Variants in ZMAT4 observed in about 807,000 individuals in gnomAD.
ZMAT4 encodes zinc finger matrin-type protein 4.
In ZMAT4, 17 loss-of-function variants were observed where a neutral mutation model predicts 28.7. The observed-to-expected ratio is 0.59, with a 90% CI of 0.41 to 0.89. The LOEUF (loss-of-function observed/expected upper bound fraction) is 0.89, where lower values mean the gene tolerates loss of function less well. Ranked by LOEUF, ZMAT4 falls within the 40% of genes least tolerant of loss-of-function variation. The pLI is 0.00. For missense variants in ZMAT4, 240 were observed against 283.8 expected (o/e 0.85, Z 1.11); for synonymous variants, 117 against 109.2 (o/e 1.07, Z -0.44).
At chr8:40,767,962 G>T (rs1813232541) in intron 2 of ZMAT4, among the ~76,000 whole-genome samples, 1 of 152,242 alleles carries the variant, frequency 6.6e-6, no homozygotes, top group African/African-American at 2.4e-5. Context: ...GAAGGTGAAG[G>T]CATTGAAATC....
intron 3 of ZMAT4, among the ~76,000 whole-genome samples, chr8:40,764,118 C>G (rs1416908326): frequency 6.6e-6 from 1 of 152,164 alleles, no homozygotes; most frequent in East Asian, 1.9e-4. Flanking sequence ...AACGGAGACT[C>G]TCAATGGACT....
intron 4 of ZMAT4, among the ~76,000 whole-genome samples, chr8:40,693,578 C>T (rs753222919): frequency 2.0e-5 from 3 of 152,184 alleles, no homozygotes; most frequent in Admixed American, 1.3e-4. Flanking sequence ...TCAAGATCAT[C>T]CAGTCTCTAG....
At chr8:40,881,598 G>GAAAGAA (rs1563264173) in intron 1 of ZMAT4, among the ~76,000 whole-genome samples, 2 of 88,940 alleles carry the variant, frequency 2.2e-5, no homozygotes, top group African/African-American at 8.9e-5. Flanking sequence ...AAGAAAGAAA[G>GAAAGAA]AAAAGAAAAG....
In ZMAT4 at chr8:40,697,234, C is replaced by G; in HGVS notation, c.349+11G>C. On this transcript the variant is annotated intron_variant, in intron 4 of 6. Coordinates refer to ENST00000297737, the MANE Select transcript of ZMAT4 (RefSeq NM_024645.3). Reference sequence around the variant, plus strand: ...TCAGGGTCTCCCCACGATCACTGTTCCTGCACGTACCTGTGGTCTTTAATG... The same window carrying G: ...TCAGGGTCTCCCCACGATCACTGTTGCTGCACGTACCTGTGGTCTTTAATG... The G allele has an allele frequency of 1.3e-6, 2 of 1,595,734 alleles. No homozygotes were observed. Among genetic ancestry groups the G allele is most frequent in the Non-Finnish European group, 1.7e-6 (2 of 1,170,420 alleles).
At chr8:40,684,099 A>G (rs1426058768) in intron 4 of ZMAT4, among the ~76,000 whole-genome samples, 1 of 152,086 alleles carries the variant, frequency 6.6e-6, no homozygotes, top group East Asian at 1.9e-4. Context: ...CTACTAAATT[A>G]TTGGGACATA....
At chr8:40,657,260 T>A (rs1585831454) in intron 5 of ZMAT4, among the ~76,000 whole-genome samples, 1 of 152,210 alleles carries the variant, frequency 6.6e-6, no homozygotes, top group Non-Finnish European at 1.5e-5. Flanking sequence ...CACGTATTTA[T>A]CATTCCTGGT....
intron 5 of ZMAT4, among the ~76,000 whole-genome samples, chr8:40,665,948 T>G (rs144182306): frequency 2.6e-5 from 4 of 152,362 alleles, no homozygotes; most frequent in African/African-American, 9.6e-5. Flanking sequence ...TTTTAATGAA[T>G]TCTTTTGTTC....
intron 2 of ZMAT4, among the ~76,000 whole-genome samples, chr8:40,785,010 A>G (rs1814008085): frequency 6.6e-6 from 1 of 152,234 alleles, no homozygotes; most frequent in Non-Finnish European, 1.5e-5. Flanking sequence ...TTCAGAGACT[A>G]AAGTCTTAAC....
At chr8:40,834,010 G>A (rs139217128) in intron 1 of ZMAT4, among the ~76,000 whole-genome samples, 13 of 152,346 alleles carry the variant, frequency 8.5e-5, no homozygotes, top group East Asian at 3.9e-4. Flanking sequence ...CCTGCCTGGC[G>A]TTGCCAGGAG....
chr8:40,725,084 A>G (rs1309083467), intron 3 of ZMAT4, among the ~76,000 whole-genome samples: 3 of 152,180 alleles, frequency 2.0e-5, no homozygotes, highest in Non-Finnish European at 4.4e-5. Context: ...CTGCCTACTT[A>G]GTTGCAAACT....
intron 5 of ZMAT4, among the ~76,000 whole-genome samples, chr8:40,635,215 C>T (rs1027779442): frequency 6.6e-6 from 1 of 152,132 alleles, no homozygotes; most frequent in Non-Finnish European, 1.5e-5. Flanking sequence ...GCCAAGGCAT[C>T]GAAATATAAA....
At chr8:40,595,840 T>C (rs1365079414) in intron 5 of ZMAT4, among the ~76,000 whole-genome samples, 2 of 152,036 alleles carry the variant, frequency 1.3e-5, no homozygotes, top group African/African-American at 2.4e-5. Flanking sequence ...TCCCAGCACT[T>C]TGGGAGGCCG....
At chr8:40,784,396 C>T (rs771884478) in intron 2 of ZMAT4, among the ~76,000 whole-genome samples, 10 of 152,026 alleles carry the variant, frequency 6.6e-5, no homozygotes, top group Non-Finnish European at 1.2e-4. Flanking sequence ...ATTCAAGTAG[C>T]TAGGGAAAGA....
chr8:40,755,424 T>C (rs1812637913), intron 3 of ZMAT4, among the ~76,000 whole-genome samples: 1 of 152,144 alleles, frequency 6.6e-6, no homozygotes, highest in Non-Finnish European at 1.5e-5. Context: ...TCCAATAAGA[T>C]TTTCTATTTA....
At chr8:40,563,963 G>C (rs1803833299) in intron 6 of ZMAT4, among the ~76,000 whole-genome samples, 1 of 152,092 alleles carries the variant, frequency 6.6e-6, no homozygotes, top group Non-Finnish European at 1.5e-5. Context: ...TTTCCACCCA[G>C]TGGCTGAGGA....
chr8:40,849,579 T>A (rs7825817), intron 1 of ZMAT4, among the ~76,000 whole-genome samples: 79,553 of 151,872 alleles, frequency 0.52, 21,051 homozygotes, highest in Non-Finnish European at 0.56. Context: ...GTTCTCTTGT[T>A]CCTCCGTCAC....
intron 2 of ZMAT4, among the ~76,000 whole-genome samples, chr8:40,815,776 G>C (rs1815507607): frequency 6.6e-6 from 1 of 152,196 alleles, no homozygotes; most frequent in African/African-American, 2.4e-5. Context: ...TAAGTCAGGG[G>C]AAATGAAGAG....
chr8:40,626,678 C>G (rs1806394110), intron 5 of ZMAT4, among the ~76,000 whole-genome samples: 1 of 152,164 alleles, frequency 6.6e-6, no homozygotes, highest in South Asian at 2.1e-4. Context: ...AGATCTTTAT[C>G]CTGCTGGTGT....
Position 40,551,328 on chromosome 8 carries a change from T to C in ZMAT4, c.675-19090A>G, listed in dbSNP as rs572678843. Among the ~76,000 whole-genome samples, 3 of 152,298 alleles carry C rather than the reference T, an allele frequency of 2.0e-5. No homozygotes were observed. In the East Asian group the frequency reaches 5.8e-4, roughly 29 times the overall value. On this transcript the variant is annotated intron_variant, in intron 6 of 6. Transcript: ENST00000297737. The stretch of plus-strand genomic sequence containing the variant: ...AGGGCAAAAGAGAAAATATTTTCTT[T>C]CCTTGAAGGAAGAACAGAAAATGAG...
Sources: gnomAD v4.1 joint callset for allele counts (sites outside exome capture counted in the v4.1 genomes callset) on GRCh38, gnomAD v4.1.1 for gene constraint, MANE v1.5 for transcripts, NCBI Gene and HGNC (gene_info 2026-07-23, HGNC 2026-07-21) for gene names.